Variants in C11orf65 observed in about 807,000 individuals in gnomAD.
C11orf65 encodes the protein chromosome 11 open reading frame 65.
In C11orf65, 38 loss-of-function variants were observed where a neutral mutation model predicts 35.3. The ratio of observed to expected loss-of-function variants is 1.08; its 90% CI spans 0.83 to 1.41. C11orf65 has a LOEUF of 1.41. Among genes scored for constraint, C11orf65 ranks in the 40% most tolerant of loss-of-function variants. C11orf65 has a pLI of 0.00. For synonymous variants in C11orf65, 105 were observed against 114.4 expected (o/e 0.92, Z 0.53); for missense variants, 370 against 367.1 (o/e 1.01, Z -0.06).
intron 2 of C11orf65, among the ~76,000 whole-genome samples, chr11:108,447,582 C>T (rs1418858857): frequency 1.3e-5 from 2 of 152,042 alleles, no homozygotes; most frequent in South Asian, 4.2e-4. Flanking sequence ...TTCTTTGAAA[C>T]CAACGAGAAC....
At chr11:108,396,448 T>G (rs2092309729) in intron 6 of C11orf65, among the ~76,000 whole-genome samples, 1 of 152,140 alleles carries the variant, frequency 6.6e-6, no homozygotes, top group South Asian at 2.1e-4. Flanking sequence ...CTTTTTTCTC[T>G]TATTAAGGAA....
Position 108,332,887 on chromosome 11 carries a change from G to T in C11orf65, c.300-1320C>A, listed in dbSNP as rs758843096. 3.1e-6 allele frequency: 5 copies of T among 1,612,498 alleles called. No individual in the cohort carries two copies. Among genetic ancestry groups the T allele is most frequent in the Non-Finnish European group, 4.2e-6 (5 of 1,179,670 alleles). On this transcript the variant is annotated intron_variant, in intron 3 of 3. Coordinates refer to the C11orf65 transcript ENST00000524755. ...TAGCAAACTTAGATGCCACTCAGTGGAAGACTCAGAGAAGTATGTTTTTTT... is the reference window on the plus strand; with the variant it reads ...TAGCAAACTTAGATGCCACTCAGTGTAAGACTCAGAGAAGTATGTTTTTTT...
chr11:108,384,211 G>C lies in C11orf65; in HGVS notation c.788-1036C>G, dbSNP rs532079647. ...AGATGACTATCTATTGAGCAGAGAAGGGAATGGAGAAGCATTGGTTTGGAG... is the reference window on the plus strand; with the variant it reads ...AGATGACTATCTATTGAGCAGAGAACGGAATGGAGAAGCATTGGTTTGGAG... On this transcript the variant is annotated intron_variant, in intron 8 of 8. Coordinates refer to ENST00000393084, the MANE Select transcript of C11orf65 (RefSeq NM_152587.5). Among the ~76,000 whole-genome samples, 11 of 152,282 alleles carry C rather than the reference G, an allele frequency of 7.2e-5. No individual in the cohort carries two copies. In the South Asian group the frequency reaches 2.1e-3, roughly 29 times the overall value.
intron 1 of C11orf65, among the ~76,000 whole-genome samples, chr11:108,461,877 T>G (rs1004721373): frequency 6.6e-6 from 1 of 152,064 alleles, no homozygotes; most frequent in Non-Finnish European, 1.5e-5. Context: ...TGGCTTGGCC[T>G]CCCAAAGTGC....
intron 6 of C11orf65, among the ~76,000 whole-genome samples, chr11:108,399,530 A>G (rs1026070258): frequency 7.2e-5 from 11 of 152,172 alleles, no homozygotes; most frequent in Non-Finnish European, 1.3e-4. Context: ...AGCATCCTGT[A>G]TAGATCCAAC....
Position 108,320,075 on chromosome 11 carries a change from A to G in C11orf65, c.641-11004T>C, listed in dbSNP as rs371044809. On this transcript the variant is annotated intron_variant, in intron 6 of 6. Transcript: ENST00000525729. ...ATATGCCAGGTATTATGAAAAGACA[A>G]AGTTACTGTATTTTAACATTTAATG... 9 of 1,518,804 alleles carry G rather than the reference A, an allele frequency of 5.9e-6. No individual in the cohort carries two copies. In the African/African-American group the frequency reaches 9.6e-5, roughly 16 times the overall value. The allele number at this position is 1,518,804 out of a possible 1,614,324, so 94.1% of individuals were successfully genotyped here. A position where few individuals can be genotyped will look rare whatever the true frequency, so the allele number is the denominator to read the frequency against.
downstream of C11orf65, among the ~76,000 whole-genome samples, chr11:108,381,082 T>C (rs181188961): frequency 2.6e-5 from 4 of 152,296 alleles, no homozygotes; most frequent in South Asian, 2.1e-4. Flanking sequence ...AAGTATGACA[T>C]GCAGCTAGGT....
chr11:108,355,088 G>A (rs2089733555), intron 2 of C11orf65: 1 of 568,844 alleles, frequency 1.8e-6, no homozygotes, highest in South Asian at 2.1e-5. Flanking sequence ...TTCTTGGAAT[G>A]TTAGAGCATT....
At position 108,335,972 on chromosome 11, in the gene C11orf65, G is replaced by A. The variant is rs769204788; in HGVS notation, c.227-680C>T. 2.5e-6 allele frequency: 4 copies of A among 1,588,224 alleles called. No individual in the cohort carries two copies. The highest frequency in any genetic ancestry group is 2.2e-5 in the East Asian group (1 of 44,704). On this transcript the variant is annotated intron_variant, in intron 2 of 3. Transcript: ENST00000524755. ...ATCTGTACTTATAAGGTAACTATTT[G>A]TACTTCTGTTAGTTCACCAAAAACA...
At chr11:108,430,360 C>T (rs182363128) in intron 3 of C11orf65, among the ~76,000 whole-genome samples, 2,091 of 147,698 alleles carry the variant, frequency 0.014, 50 homozygotes, top group African/African-American at 0.047. Flanking sequence ...AGGGTGGTCT[C>T]GATCTCCTGA....
intron 3 of C11orf65, among the ~76,000 whole-genome samples, chr11:108,420,058 G>C (rs1045661178): frequency 6.6e-6 from 1 of 152,088 alleles, no homozygotes; most frequent in African/African-American, 2.4e-5. Flanking sequence ...AAGTTGTTGG[G>C]AACAAAGCTA....
At chr11:108,333,767 A>G (rs966430238) in intron 3 of C11orf65, 23 of 839,542 alleles carry the variant, frequency 2.7e-5, no homozygotes, top group African/African-American at 2.7e-4. Flanking sequence ...TTTCTCAATC[A>G]GAGCCTGAAC....
intron 6 of C11orf65, 68 bp downstream of exon 6, chr11:108,405,361 C>T (rs1405077689): frequency 1.3e-6 from 2 of 1,530,224 alleles, no homozygotes; most frequent in Non-Finnish European, 1.8e-6. Context: ...AGGAGCAATA[C>T]CTCATTTCAA....
chr11:108,338,393 G>C (rs1490278371), intron 2 of C11orf65, among the ~76,000 whole-genome samples: 1 of 152,134 alleles, frequency 6.6e-6, no homozygotes, highest in African/African-American at 2.4e-5. Context: ...AGTGGCTCAT[G>C]CCTGTAATCT....
intron 2 of C11orf65, among the ~76,000 whole-genome samples, chr11:108,350,955 A>C (rs1235473556): frequency 3.9e-5 from 6 of 152,244 alleles, no homozygotes; most frequent in African/African-American, 7.2e-5. Context: ...ATACATATGT[A>C]TAAAAATGTT....
intron 2 of C11orf65, among the ~76,000 whole-genome samples, chr11:108,457,384 C>T (rs1426224696): frequency 6.6e-6 from 1 of 152,120 alleles, no homozygotes; most frequent in African/African-American, 2.4e-5. Context: ...TGGCTCACAC[C>T]TGTAATCCCA....
chr11:108,403,409 G>GT (rs71047691), intron 6 of C11orf65, among the ~76,000 whole-genome samples: 4,228 of 67,248 alleles, frequency 0.063, 488 homozygotes, highest in African/African-American at 0.16. Context: ...TGTTTGAGAG[G>GT]TTTTTTTTTT....
At chr11:108,332,423 ACT>A (rs753195144) in intron 3 of C11orf65, among the ~76,000 whole-genome samples, 9 of 151,696 alleles carry the variant, frequency 5.9e-5, no homozygotes, top group Non-Finnish European at 1.3e-4. Context: ...CAAGAGCGAA[ACT>A]CTGTCTCAAA....
intron 6 of C11orf65, among the ~76,000 whole-genome samples, chr11:108,317,200 A>C (rs1478210762): frequency 6.6e-6 from 1 of 151,898 alleles, no homozygotes; most frequent in Non-Finnish European, 1.5e-5. Context: ...CAGCCTCCCA[A>C]AGTGCTGAGA....
Sources: gnomAD v4.1 joint callset for allele counts (sites outside exome capture counted in the v4.1 genomes callset) on GRCh38, gnomAD v4.1.1 for gene constraint, MANE v1.5 for transcripts, NCBI Gene and HGNC (gene_info 2026-07-23, HGNC 2026-07-21) for gene names.